CNTNAP2: variants seen among roughly 807,000 people sequenced by gnomAD.
CNTNAP2 encodes contactin-associated protein-like 2.
In CNTNAP2, 98 loss-of-function variants were observed where a neutral mutation model predicts 155.2. The ratio of observed to expected loss-of-function variants is 0.63; its 90% confidence interval spans 0.54 to 0.75. The LOEUF (loss-of-function observed/expected upper bound fraction) is 0.75. Ranked by LOEUF, CNTNAP2 falls within the 30% of genes least tolerant of loss-of-function variation. CNTNAP2 has a pLI of 0.00. For synonymous variants in CNTNAP2, 651 were observed against 631.2 expected (o/e 1.03, Z -0.47); for missense variants, 1,727 against 1,688.1 (o/e 1.02, Z -0.40).
At chr7:147,462,860 G>C (rs1476346795) in intron 10 of CNTNAP2, among the ~76,000 whole-genome samples, 1 of 152,130 alleles carries the variant, frequency 6.6e-6, no homozygotes, top group Non-Finnish European at 1.5e-5. Context: ...CTCACTGCAA[G>C]CTCCGCCTCC....
chr7:146,809,920 G>A (rs1490990978), intron 2 of CNTNAP2, among the ~76,000 whole-genome samples: 1 of 151,638 alleles, frequency 6.6e-6, no homozygotes, highest in Non-Finnish European at 1.5e-5. Flanking sequence ...AAAAATCATT[G>A]CCAAGACCAA....
intron 10 of CNTNAP2, among the ~76,000 whole-genome samples, chr7:147,401,955 T>A (rs1796922160): frequency 6.6e-6 from 1 of 152,120 alleles, no homozygotes; most frequent in African/African-American, 2.4e-5. Flanking sequence ...ACAAAAGAGG[T>A]CATGAGTTTC....
chr7:146,640,296 C>A (rs1391938454), intron 1 of CNTNAP2, among the ~76,000 whole-genome samples: 4 of 152,144 alleles, frequency 2.6e-5, no homozygotes, highest in Admixed American at 2.0e-4. Context: ...AGATACGTTT[C>A]TTCTCTAATG....
intron 1 of CNTNAP2, among the ~76,000 whole-genome samples, chr7:146,174,597 G>A (rs534469630): frequency 1.3e-5 from 2 of 152,180 alleles, no homozygotes; most frequent in East Asian, 3.9e-4. Context: ...CAGCACTTTG[G>A]GAGGCTGAGG....
intron 1 of CNTNAP2, among the ~76,000 whole-genome samples, chr7:146,540,630 G>C (rs1221747675): frequency 6.6e-6 from 1 of 151,970 alleles, no homozygotes; most frequent in Non-Finnish European, 1.5e-5. Flanking sequence ...TGACTCCAAA[G>C]AGAGGAAGTG....
At chr7:147,718,375 C>A (rs769930247) in intron 13 of CNTNAP2, among the ~76,000 whole-genome samples, 13 of 152,082 alleles carry the variant, frequency 8.5e-5, no homozygotes, top group African/African-American at 4.8e-5. Flanking sequence ...TGATCAGTTT[C>A]TTAATTAACT....
In CNTNAP2 at chr7:146,817,744, C is replaced by CA. The variant is rs1803201621; in HGVS notation, c.209-21965dup. On this transcript the variant is annotated intron_variant, in intron 2 of 23. Coordinates refer to ENST00000361727, the MANE Select transcript of CNTNAP2 (RefSeq NM_014141.6). ...TCCCTCATCATGATGAGAACAGCACCAAGAGGATGGTGCTAAACCATTAAT... is the reference window on the plus strand; with the variant it reads ...TCCCTCATCATGATGAGAACAGCACCAAAGAGGATGGTGCTAAACCATTAAT... Among the ~76,000 whole-genome samples the CA allele has an allele frequency of 3.9e-5, 6 of 152,144 alleles. No individual in the cohort carries two copies. The South Asian group carries it at 1.0e-3, about 26-fold the overall frequency.
intron 11 of CNTNAP2, among the ~76,000 whole-genome samples, chr7:147,524,244 G>A (rs1387599381): frequency 1.3e-5 from 2 of 152,104 alleles, no homozygotes; most frequent in African/African-American, 2.4e-5. Context: ...AGCGTGGCTA[G>A]CCGGGCATGG....
intron 1 of CNTNAP2, among the ~76,000 whole-genome samples, chr7:146,378,338 A>T (rs1040063106): frequency 1.3e-5 from 2 of 152,124 alleles, no homozygotes; most frequent in Non-Finnish European, 2.9e-5. Context: ...GGTTAATTCT[A>T]ATGTGCCAGC....
chr7:147,963,841 C>T (rs1801158453), intron 14 of CNTNAP2, among the ~76,000 whole-genome samples: 1 of 152,094 alleles, frequency 6.6e-6, no homozygotes, highest in South Asian at 2.1e-4. Flanking sequence ...AAATTATCAC[C>T]CAGATCCCTT....
intron 3 of CNTNAP2, among the ~76,000 whole-genome samples, chr7:146,901,079 A>G (rs1334648597): frequency 1.3e-5 from 2 of 151,916 alleles, no homozygotes; most frequent in Non-Finnish European, 2.9e-5. Context: ...CTCTGGACCT[A>G]AGATGTCAAC....
chr7:147,833,358 C>T (rs765343183), intron 13 of CNTNAP2, among the ~76,000 whole-genome samples: 3 of 151,984 alleles, frequency 2.0e-5, no homozygotes, highest in Non-Finnish European at 4.4e-5. Context: ...CGAGCTTCAA[C>T]CATAAAATAA....
At chr7:147,656,567 A>T (rs893928870) in intron 13 of CNTNAP2, among the ~76,000 whole-genome samples, 4 of 152,212 alleles carry the variant, frequency 2.6e-5, no homozygotes, top group Non-Finnish European at 5.9e-5. Flanking sequence ...GAGCAGTCAG[A>T]ACTCACATAA....
rs372315231 is a variant in CNTNAP2 at position 146,907,408 on chromosome 7, A to G, written c.402+67504A>G. Among the ~76,000 whole-genome samples, 147 of 148,590 alleles carry G rather than the reference A, an allele frequency of 9.9e-4. 1 individual carries two copies. Among genetic ancestry groups the G allele is most frequent in the African/African-American group, 2.6e-3 (103 of 39,970 alleles). ...TTAAGGGCAGCCAGAGAGAAAGGTC[A>G]GGTTACCCTCAAAGGGAAGCCCATC... On this transcript the variant is annotated intron_variant, in intron 3 of 23. Transcript: ENST00000361727.
chr7:146,283,686 T>G (rs1800285213), intron 1 of CNTNAP2, among the ~76,000 whole-genome samples: 1 of 152,228 alleles, frequency 6.6e-6, no homozygotes, highest in Non-Finnish European at 1.5e-5. Flanking sequence ...TTTAAAATTT[T>G]TATCTACAAA....
intron 16 of CNTNAP2, among the ~76,000 whole-genome samples, chr7:148,118,631 T>G (rs1388354194): frequency 6.6e-6 from 1 of 151,948 alleles, no homozygotes; most frequent in Non-Finnish European, 1.5e-5. Context: ...AGGTGAGGGG[T>G]GTGTGCATTG....
intron 19 of CNTNAP2, 73 bp from the exon 20 acceptor site, chr7:148,229,573 G>A: frequency 1.3e-6 from 2 of 1,512,548 alleles, no homozygotes; most frequent in Non-Finnish European, 1.8e-6. Flanking sequence ...CTAAGAGCAG[G>A]AATTGAGGGG....
chr7:147,859,151 G>T lies in CNTNAP2; in HGVS notation c.2099-44414G>T, dbSNP rs531226947. ...TTTTTCAAGCATATGTTACCAAGAA[G>T]TAGGGAAGTTTCAGCATTAACAATA... On this transcript the variant is annotated intron_variant, in intron 13 of 23. Coordinates refer to ENST00000361727, the MANE Select transcript of CNTNAP2 (RefSeq NM_014141.6). 2.0e-5 allele frequency among the ~76,000 whole-genome samples: 3 copies of T among 152,196 alleles called. No individual in the cohort carries two copies. In the South Asian group the frequency reaches 6.2e-4, roughly 32 times the overall value.
chr7:148,118,614 C>T (rs879420233), intron 16 of CNTNAP2, among the ~76,000 whole-genome samples: 12 of 152,058 alleles, frequency 7.9e-5, no homozygotes, highest in African/African-American at 1.9e-4. Context: ...GAGACAGGGT[C>T]AAAAATAGGT....
Sources: gnomAD v4.1 joint callset for allele counts (sites outside exome capture counted in the v4.1 genomes callset) on GRCh38, gnomAD v4.1.1 for gene constraint, MANE v1.5 for transcripts, NCBI Gene and HGNC (gene_info 2026-07-23, HGNC 2026-07-21) for gene names.